The following CHIC2 variants were observed in gnomAD, a reference collection of about 807,000 sequenced individuals.
The protein encoded by CHIC2 is cysteine rich hydrophobic domain 2.
Under a neutral mutation model 25.9 loss-of-function variants are expected in CHIC2, and 14 were observed. The ratio of observed to expected loss-of-function variants is 0.54; its 90% CI spans 0.36 to 0.85. The LOEUF is 0.85. CHIC2 is among the 40% of genes least tolerant of loss of function. The probability of loss-of-function intolerance (pLI) is 0.01; values close to 1 mark genes in which losing one functional copy is unlikely to be tolerated. For synonymous variants in CHIC2, 70 were observed against 72.0 expected (o/e 0.97, Z 0.14); for missense variants, 146 against 202.0 (o/e 0.72, Z 1.68).
At chr4:54,057,492 T>C (rs926315131) in intron 1 of CHIC2, among the ~76,000 whole-genome samples, 1 of 152,176 alleles carries the variant, frequency 6.6e-6, no homozygotes, top group Non-Finnish European at 1.5e-5. Flanking sequence ...AGGACTCTCA[T>C]CCTTCCTAAA....
intron 3 of CHIC2, among the ~76,000 whole-genome samples, chr4:54,047,002 A>G (rs1716848171): frequency 6.6e-6 from 1 of 152,256 alleles, no homozygotes; most frequent in African/African-American, 2.4e-5. Context: ...ATGAACAGAC[A>G]CTTCTCAAAA....
chr4:54,076,933 T>C, the CHIC2 span: 1 of 152,064 alleles, frequency 6.6e-6, no homozygotes, highest in Non-Finnish European at 1.5e-5. Context: ...AACATGAATA[T>C]GTGGGCTAAG....
At chr4:54,064,787 T>A (rs1263778763), upstream of CHIC2, 1 of 403,038 alleles carries the variant, frequency 2.5e-6, no homozygotes, top group Non-Finnish European at 3.4e-6. The surrounding 1 kb of genome is among the most constrained non-coding windows in gnomAD (Gnocchi z 4.2). Context: ...CCTCTGCTTC[T>A]ACCCGCAGAC....
chr4:54,080,940 G>GTGTA, the CHIC2 span, among the ~76,000 whole-genome samples: 2 of 71,182 alleles, frequency 2.8e-5, no homozygotes, highest in East Asian at 3.7e-4. Flanking sequence ...CAATGTGTGT[G>GTGTA]TGTATATATA....
At chr4:54,010,255 G>A (rs561711264) in intron 5 of CHIC2, 110 bp from the exon 6 acceptor site, 31 of 695,428 alleles carry the variant, frequency 4.5e-5, no homozygotes, top group Middle Eastern at 3.9e-4. Context: ...ATTTTAAAAC[G>A]CAACTTTGCA....
chr4:54,042,898 TC>T, intron 3 of CHIC2, among the ~76,000 whole-genome samples: 1 of 152,356 alleles, frequency 6.6e-6, no homozygotes, highest in South Asian at 2.1e-4. Flanking sequence ...TAGGAATATA[TC>T]TTTTATTTTA....
intron 1 of CHIC2, among the ~76,000 whole-genome samples, chr4:54,063,398 C>T (rs1346610695): frequency 6.6e-6 from 1 of 152,174 alleles, no homozygotes; most frequent in African/African-American, 2.4e-5. Flanking sequence ...TGGTTCAAGG[C>T]TTCACATTCC....
intron 1 of CHIC2, among the ~76,000 whole-genome samples, chr4:54,063,976 A>G (rs1456516707): frequency 1.3e-5 from 2 of 152,260 alleles, no homozygotes; most frequent in Non-Finnish European, 2.9e-5. Context: ...GGCCTGCTAA[A>G]GGGGTGTGTG....
chr4:54,084,185 G>A, the CHIC2 span, among the ~76,000 whole-genome samples: 2 of 152,128 alleles, frequency 1.3e-5, no homozygotes, highest in Non-Finnish European at 2.9e-5. Flanking sequence ...CCAGCCCGGG[G>A]TCTAGTCATC....
At chr4:54,049,870 G>A (rs1052764565) in intron 1 of CHIC2, among the ~76,000 whole-genome samples, 1 of 152,120 alleles carries the variant, frequency 6.6e-6, no homozygotes, top group Non-Finnish European at 1.5e-5. Context: ...CAGTGCATTA[G>A]ATGGTATGAA....
intron 3 of CHIC2, among the ~76,000 whole-genome samples, chr4:54,020,123 C>G (rs1715854085): frequency 6.6e-6 from 1 of 152,176 alleles, no homozygotes; most frequent in Non-Finnish European, 1.5e-5. Flanking sequence ...TCCCCTGTGA[C>G]CTGCACGTAT....
intron 3 of CHIC2, among the ~76,000 whole-genome samples, chr4:54,017,650 C>T (rs1180055608): frequency 6.6e-6 from 1 of 152,090 alleles, no homozygotes; most frequent in African/African-American, 2.4e-5. Context: ...ATCAAGTATT[C>T]TTATCTTTAA....
At chr4:54,070,750 G>A in the CHIC2 span, among the ~76,000 whole-genome samples, 3 of 152,110 alleles carry the variant, frequency 2.0e-5, no homozygotes, top group African/African-American at 4.8e-5. Context: ...TCCCCAAGTG[G>A]GAGACCAGTA....
At chr4:54,057,243 G>A (rs1479948080) in intron 1 of CHIC2, among the ~76,000 whole-genome samples, 1 of 152,054 alleles carries the variant, frequency 6.6e-6, no homozygotes, top group Non-Finnish European at 1.5e-5. Flanking sequence ...ACCCTAGCTG[G>A]GGCCACTATC....
intron 5 of CHIC2, among the ~76,000 whole-genome samples, chr4:54,013,294 TA>T (rs1409411589): frequency 6.6e-6 from 1 of 152,140 alleles, no homozygotes; most frequent in Non-Finnish European, 1.5e-5. Context: ...TTTTAACAAG[TA>T]AACACAAGAT....
chr4:54,013,813 T>A, intron 5 of CHIC2, 24 bp downstream of exon 5: 1 of 1,608,216 alleles, frequency 6.2e-7, no homozygotes, highest in Non-Finnish European at 8.5e-7. Context: ...ATAGAGAAAC[T>A]CACAAAACAG....
chr4:54,030,508 G>A (rs1378036321), intron 3 of CHIC2, among the ~76,000 whole-genome samples: 3 of 141,256 alleles, frequency 2.1e-5, no homozygotes, highest in African/African-American at 8.1e-5. Flanking sequence ...GGGCAAGAGA[G>A]TCCCTATCTC....
At chr4:54,015,855 C>T (rs1045576588) in intron 3 of CHIC2, among the ~76,000 whole-genome samples, 3 of 152,274 alleles carry the variant, frequency 2.0e-5, no homozygotes, top group East Asian at 3.9e-4. Context: ...CCTCTCAAAC[C>T]GCCTCTCAGG....
intron 1 of CHIC2, among the ~76,000 whole-genome samples, chr4:54,061,747 A>C (rs1717339642): frequency 6.6e-6 from 1 of 152,180 alleles, no homozygotes; most frequent in Non-Finnish European, 1.5e-5. Context: ...ATGTTAAAAA[A>C]AAAAGTTTTC....
Sources: gnomAD v4.1 joint callset for allele counts (sites outside exome capture counted in the v4.1 genomes callset) on GRCh38, gnomAD v4.1.1 for gene constraint, Gnocchi (gnomAD v3.1) non-coding constraint, MANE v1.5 for transcripts, NCBI Gene and HGNC (gene_info 2026-07-23, HGNC 2026-07-21) for gene names.